TCEANC: variants seen among roughly 807,000 people sequenced by gnomAD.
TCEANC encodes transcription elongation factor A N-terminal and central domain-containing protein.
In TCEANC, 8 loss-of-function variants were observed where a neutral mutation model predicts 8.7. The observed-to-expected ratio is 0.92, with a 90% CI of 0.54 to 1.65. The LOEUF (loss-of-function observed/expected upper bound fraction) is 1.65, where lower values mean the gene tolerates loss of function less well. Ranked by LOEUF, TCEANC falls within the 40% of genes most tolerant of loss-of-function variation. The pLI is 0.00. For synonymous variants in TCEANC, 78 were observed against 92.9 expected (o/e 0.84, Z 0.92); for missense variants, 255 against 251.9 (o/e 1.01, Z -0.08).
chrX:13,658,091 A>C (rs1403168146), intron 1 of TCEANC, among the ~76,000 whole-genome samples: 1 of 112,154 alleles, frequency 8.9e-6, no homozygotes, highest in Non-Finnish European at 1.9e-5. Context: ...AAATGTCCAG[A>C]CAGCAAATCT....
intron 1 of TCEANC, among the ~76,000 whole-genome samples, chrX:13,655,665 C>A: frequency 8.9e-6 from 1 of 112,311 alleles, no homozygotes; most frequent in South Asian, 3.7e-4. Context: ...CAGAGTCACC[C>A]TGGAGAGCTG....
At chrX:13,660,798 T>C (rs1204778912) in intron 1 of TCEANC, among the ~76,000 whole-genome samples, 1 of 112,837 alleles carries the variant, frequency 8.9e-6, no homozygotes, top group African/African-American at 3.2e-5. Flanking sequence ...TATGTTTTCA[T>C]TTCTCTTGGA....
At chrX:13,656,109 G>A (rs1470674833) in intron 1 of TCEANC, among the ~76,000 whole-genome samples, 2 of 112,420 alleles carry the variant, frequency 1.8e-5, no homozygotes, top group Non-Finnish European at 3.8e-5. Flanking sequence ...GAAGCAAATT[G>A]TAGCTGTCCA....
chrX:13,661,923 C>T, intron 1 of TCEANC, among the ~76,000 whole-genome samples: 1 of 112,342 alleles, frequency 8.9e-6, no homozygotes. Flanking sequence ...AGACGTATCT[C>T]TAGCTGCTTT....
exon 2 of TCEANC, chrX:13,663,864 T>C (rs747846861): frequency 1.4e-5 from 3 of 219,192 alleles, no homozygotes; most frequent in Non-Finnish European, 2.6e-5. Flanking sequence ...CCTCACACCA[T>C]TGAATCCGAA....
chrX:13,654,684 G>C (rs2045910186), upstream of TCEANC, among the ~76,000 whole-genome samples: 1 of 111,422 alleles, frequency 9.0e-6, no homozygotes, highest in African/African-American at 3.3e-5. Flanking sequence ...TTTTGTAGAT[G>C]AGGAAATTGA....
intron 1 of TCEANC, among the ~76,000 whole-genome samples, chrX:13,658,011 T>C (rs1208059750): frequency 1.8e-5 from 2 of 112,283 alleles, no homozygotes; most frequent in African/African-American, 6.5e-5. Flanking sequence ...TGGATGAACC[T>C]TGAAAACGTT....
chrX:13,664,273 C>A (rs1044922361), exon 2 of TCEANC: 1 of 123,213 alleles, frequency 8.1e-6, no homozygotes. Context: ...TCTGACAGAT[C>A]CCAGATTTTC....
At chrX:13,658,929 T>G (rs1335012966) in intron 1 of TCEANC, among the ~76,000 whole-genome samples, 2 of 112,591 alleles carry the variant, frequency 1.8e-5, no homozygotes, top group African/African-American at 3.2e-5. Flanking sequence ...ATTTTCCTAA[T>G]TATTGTGAAC....
chrX:13,662,962 G>A (rs770892202), exon 2 of TCEANC: 23 of 1,209,257 alleles, frequency 1.9e-5, no homozygotes, highest in Non-Finnish European at 2.6e-5. Context: ...AGAGCATTTT[G>A]GGGATGGTGA....
chrX:13,657,064 G>A (rs953489061), intron 1 of TCEANC, among the ~76,000 whole-genome samples: 1 of 112,129 alleles, frequency 8.9e-6, no homozygotes, highest in East Asian at 2.8e-4. Context: ...AAATCCATGG[G>A]CTCTGTTTTA....
intron 1 of TCEANC, among the ~76,000 whole-genome samples, chrX:13,658,667 C>T (rs763383665): frequency 9.0e-6 from 1 of 111,674 alleles, no homozygotes; most frequent in Non-Finnish European, 1.9e-5. Context: ...GTGGCTATAT[C>T]ACCTGTGGCT....
chrX:13,663,371 A>T, exon 2 of TCEANC: 1 of 1,195,420 alleles, frequency 8.4e-7, no homozygotes, highest in Non-Finnish European at 1.1e-6. Flanking sequence ...CAAGTAATTG[A>T]TGGCACACAG....
intron 1 of TCEANC, among the ~76,000 whole-genome samples, chrX:13,661,446 A>G (rs2045965864): frequency 2.7e-5 from 3 of 112,191 alleles, no homozygotes. Flanking sequence ...CACTTGTCAT[A>G]TGGTGTCTGG....
At chrX:13,654,796 A>G (rs1289076922), upstream of TCEANC, among the ~76,000 whole-genome samples, 6 of 109,110 alleles carry the variant, frequency 5.5e-5, no homozygotes, top group Non-Finnish European at 7.6e-5. Context: ...TGACCCCTCA[A>G]ACCCACTTCA....
exon 2 of TCEANC, chrX:13,663,522 A>T: frequency 8.6e-7 from 1 of 1,167,403 alleles, no homozygotes; most frequent in Non-Finnish European, 1.1e-6. Flanking sequence ...TTTGTAACGA[A>T]TGTGGGGAGC....
upstream of TCEANC, chrX:13,655,236 T>G (rs1427226976): frequency 1.8e-5 from 2 of 112,261 alleles, no homozygotes; most frequent in African/African-American, 6.5e-5. Flanking sequence ...TTTACTGTTT[T>G]TAGCAGGTTT....
rs146365420 is a variant in TCEANC, at chrX:13,658,999, A to G, written c.-8-3502A>G. 8.8e-3 allele frequency among the ~76,000 whole-genome samples: 988 copies of G among 112,584 alleles called. 10 individuals are homozygous for G. The highest frequency in any genetic ancestry group is 0.03 in the African/African-American group (929 of 30,983). ...AAAATTCCACTTTTAAAGACTGCAT[A>G]CAGTAAAAGAGGTCTTCCTAAGAAT... On this transcript the variant is annotated intron_variant, in intron 1 of 1. Coordinates refer to ENST00000380600, the Ensembl canonical transcript of TCEANC.
chrX:13,664,560 CT>C (rs1218603384), exon 2 of TCEANC: 1 of 122,251 alleles, frequency 8.2e-6, no homozygotes, highest in Non-Finnish European at 1.9e-5. Flanking sequence ...TTTTTTCCCC[CT>C]GTGAACAGGT....
Sources: allele counts gnomAD v4.1 joint callset (sites outside exome capture counted in the v4.1 genomes callset), GRCh38; gene constraint gnomAD v4.1.1; transcripts MANE v1.5; gene names NCBI Gene and HGNC (gene_info 2026-07-23, HGNC 2026-07-21).